Variants in GAK observed in about 807,000 individuals in gnomAD.
GAK encodes cyclin G associated kinase, also known as cyclin-G-associated kinase.
A neutral mutation model predicts 143.9 loss-of-function variants in GAK; 79 were observed. The ratio of observed to expected loss-of-function variants is 0.55; its 90% CI spans 0.46 to 0.66. GAK has a LOEUF of 0.66. GAK is among the 30% of genes least tolerant of loss of function. The pLI, the probability that GAK is intolerant of heterozygous loss-of-function variation, is 0.00. For missense variants in GAK, 1,693 were observed against 1,779.7 expected (o/e 0.95, Z 0.88); for synonymous variants, 881 against 765.5 (o/e 1.15, Z -2.49).
intron 5 of GAK, among the ~76,000 whole-genome samples, chr4:903,580 T>C (rs558174151): frequency 1.2e-3 from 160 of 128,738 alleles, no homozygotes; most frequent in African/African-American, 2.1e-3. Context: ...CCAACACCAC[T>C]GGGGGGCTGA....
chr4:907,978 G>T (rs1236112758), intron 4 of GAK, among the ~76,000 whole-genome samples: 4 of 152,264 alleles, frequency 2.6e-5, no homozygotes, highest in Admixed American at 2.6e-4. Flanking sequence ...TGAGCCGCTG[G>T]CCCCGGCCCT....
intron 6 of GAK, among the ~76,000 whole-genome samples, chr4:897,056 G>T (rs1488137195): frequency 6.6e-6 from 1 of 152,262 alleles, no homozygotes; most frequent in Non-Finnish European, 1.5e-5. Context: ...GAGAGGCAGA[G>T]GCTGGGGCCA....
Position 912,641 on chromosome 4 carries a change from G to A in GAK, c.267+94C>T, listed in dbSNP as rs1303029113. ...TTTAACACATGAAAGACAACGTCAC[G>A]GAGCAGCCTCTTGGCCACTGGCGGT... On this transcript the variant is annotated intron_variant, in intron 3 of 27. Coordinates refer to ENST00000314167, the MANE Select transcript of GAK (RefSeq NM_005255.4). 1.9e-5 allele frequency: 18 copies of A among 948,758 alleles called. 1 individual carries two copies. The highest frequency in any genetic ancestry group is 2.6e-4 in the Middle Eastern group (1 of 3,910). The allele number at this position is 948,758 out of a possible 1,614,324, so 58.8% of individuals were successfully genotyped here.
At chr4:859,750 C>T in intron 23 of GAK, 28 bp from the exon 24 acceptor site, 1 of 1,496,288 alleles carries the variant, frequency 6.7e-7, no homozygotes, top group South Asian at 1.2e-5. Flanking sequence ...GGCATTAGAA[C>T]AAGCACCATC....
At chr4:928,797 CTT>C (rs1725232227) in intron 1 of GAK, among the ~76,000 whole-genome samples, 1 of 152,074 alleles carries the variant, frequency 6.6e-6, no homozygotes, top group Non-Finnish European at 1.5e-5. Context: ...GAGATTTACT[CTT>C]GTTGCCCAGG....
intron 15 of GAK, among the ~76,000 whole-genome samples, chr4:879,476 A>G (rs888856040): frequency 4.0e-5 from 6 of 148,852 alleles, no homozygotes; most frequent in Admixed American, 2.0e-4. Flanking sequence ...TTGACTTCTT[A>G]ATTACAGCAC....
chr4:900,135 G>A (rs1218842342), intron 5 of GAK, among the ~76,000 whole-genome samples: 5 of 152,226 alleles, frequency 3.3e-5, no homozygotes, highest in African/African-American at 2.4e-5. Context: ...GCGTGTGCCC[G>A]TTCCCATTCT....
chr4:890,548 G>T lies in GAK; in HGVS notation c.1065C>A (p.Gly355=). Residue 355 remains glycine, a synonymous_variant, in exon 10 of 28, where the codon GGC becomes GGA. Coordinates refer to ENST00000314167, the MANE Select transcript of GAK (RefSeq NM_005255.4). ...RGPPPPVGPA[G]SGYSGGLALA... ...GGCACTCACCTCCACTGTAGCCACT[G>T]CCAGCGGGGCCCACGGGAGGGGGTG... The T allele has an allele frequency of 1.9e-6, 3 of 1,609,334 alleles. No individual in the cohort carries two copies. Among genetic ancestry groups the T allele is most frequent in the Non-Finnish European group, 2.5e-6 (3 of 1,178,194 alleles).
intron 15 of GAK, among the ~76,000 whole-genome samples, chr4:879,988 G>A (rs1382106622): frequency 1.3e-5 from 2 of 152,008 alleles, no homozygotes; most frequent in East Asian, 3.9e-4. Flanking sequence ...CTGAAGAGTG[G>A]CCCACTGGAC....
rs1184723070 is a variant in GAK at position 863,206 on chromosome 4, T to C, written c.3166+1916A>G. On this transcript the variant is annotated intron_variant, in intron 23 of 27. Coordinates refer to ENST00000314167, the MANE Select transcript of GAK (RefSeq NM_005255.4). Reference sequence around the variant, plus strand: ...TCAGTGCAGGAAGTCTCTGCAGATGTGGTGGAAACAGCAAGAGAACTCGAA... The same window carrying C: ...TCAGTGCAGGAAGTCTCTGCAGATGCGGTGGAAACAGCAAGAGAACTCGAA... 2.0e-5 allele frequency among the ~76,000 whole-genome samples: 3 copies of C among 152,256 alleles called. No individual in the cohort carries two copies. The East Asian group carries it at 5.8e-4, about 29-fold the overall frequency.
At chr4:884,746 C>T (rs1430396680) in intron 11 of GAK, among the ~76,000 whole-genome samples, 3 of 152,236 alleles carry the variant, frequency 2.0e-5, no homozygotes, top group Non-Finnish European at 4.4e-5. Flanking sequence ...AATGGCCAAG[C>T]TGTTCTTGTG....
chr4:869,447 G>T (rs1362926409), intron 19 of GAK: 1 of 133,624 alleles, frequency 7.5e-6, no homozygotes, highest in East Asian at 2.3e-4. Context: ...CAGTACACAG[G>T]AATGCACACA....
rs759064696 is a variant in GAK, at chr4:851,765, G to T, written c.3493C>A (p.Arg1165Ser). The change falls in exon 25 of 28, where the codon CGC (arginine) becomes AGC (serine). Residue 1165 changes from arginine (R) to serine (S), a missense_variant. Around this residue, in one of 2 missense-constraint regions of GAK, gnomAD observed 822 missense variants for 788.7 expected, o/e 1.04. Transcript: ENST00000314167. ...VIGAREERGVRAPSFAQKPKV... is the reference protein window; with the variant it reads ...VIGAREERGVSAPSFAQKPKV... The stretch of plus-strand genomic sequence containing the variant: ...GGGGACTCACCAAAGCTGGGTGCGC[G>T]GACCCCCCGCTCCTCCCGCGCCCCG... 1 of 1,613,264 alleles carries T rather than the reference G, an allele frequency of 6.2e-7. No homozygotes were observed. The highest frequency in any genetic ancestry group is 1.7e-5 in the Admixed American group (1 of 59,934).
At chr4:860,126 A>C (rs921409284) in intron 23 of GAK, among the ~76,000 whole-genome samples, 2 of 152,190 alleles carry the variant, frequency 1.3e-5, no homozygotes, top group African/African-American at 4.8e-5. Context: ...CCCTGTCTCT[A>C]CAAAAAATAA....
chr4:915,005 G>GCCCCAGCGCACACGGC (rs1722871262), intron 1 of GAK, among the ~76,000 whole-genome samples: 1 of 85,328 alleles, frequency 1.2e-5, no homozygotes. Context: ...AACACACACA[G>GCCCCAGCGCACACGGC]CCCCAGCGCA....
intron 4 of GAK, among the ~76,000 whole-genome samples, chr4:909,852 C>A (rs1452224546): frequency 6.6e-6 from 1 of 152,226 alleles, no homozygotes; most frequent in Non-Finnish European, 1.5e-5. Flanking sequence ...CTGAGAAACA[C>A]AAGCGGCACA....
At position 883,410 on chromosome 4, in the gene GAK, C is replaced by T. The variant is rs1420654729; in HGVS notation, c.1309G>A (p.Asp437Asn). The T allele has an allele frequency of 6.8e-6, 11 of 1,613,718 alleles. No homozygotes were observed. The highest frequency in any genetic ancestry group is 8.5e-6 in the Non-Finnish European group (10 of 1,180,024). ...VESALKNNIE[D>N]VRLFLDSKHP... ...TTGGAGTCCAGGAACAACCGCACAT[C>T]TTCGATGTTGTTTTTGAGCGCTGAC... Residue 437 changes from aspartate to asparagine, a missense_variant, in exon 13 of 28, where the codon GAT becomes AAT. Asp to Asn is a conservative substitution (Grantham distance 23, BLOSUM62 1). Transcript: ENST00000314167.
chr4:866,599 C>T, intron 21 of GAK, 65 bp from the exon 22 acceptor site: 1 of 1,551,146 alleles, frequency 6.4e-7, no homozygotes, highest in Non-Finnish European at 8.8e-7. Flanking sequence ...GAGCCCAGCT[C>T]TGGAGTCAGG....
At chr4:884,218 C>T (rs150842777) in intron 11 of GAK, 132 bp from the exon 12 acceptor site, 116 of 717,288 alleles carry the variant, frequency 1.6e-4, no homozygotes, top group East Asian at 1.1e-4. Context: ...CCAGGAGGAA[C>T]GTGTGTGTGC....
Sources: gnomAD v4.1 joint callset for allele counts (sites outside exome capture counted in the v4.1 genomes callset) on GRCh38, gnomAD v4.1.1 for gene constraint, gnomAD v4.1.1 regional missense constraint, MANE v1.5 for transcripts, NCBI Gene and HGNC (gene_info 2026-07-23, HGNC 2026-07-21) for gene names.